ZDHHC20: variants seen among roughly 807,000 people sequenced by gnomAD.
The protein encoded by ZDHHC20 is zDHHC palmitoyltransferase 20, also known as palmitoyltransferase ZDHHC20.
Under a neutral mutation model 57.8 loss-of-function variants are expected in ZDHHC20, and 43 were observed. That is an observed-to-expected ratio of 0.74 (90% confidence interval 0.58 to 0.96). The LOEUF is 0.96. Ranked by LOEUF, ZDHHC20 falls within the 40% of genes least tolerant of loss-of-function variation. ZDHHC20 has a pLI of 0.00. For synonymous variants in ZDHHC20, 157 were observed against 153.0 expected (o/e 1.03, Z -0.19); for missense variants, 391 against 441.1 (o/e 0.89, Z 1.02).
At position 21,400,513 on chromosome 13, in the gene ZDHHC20, C is replaced by A. The variant is rs1345013456; in HGVS notation, c.474-20G>T. The A allele has an allele frequency of 6.5e-7, 1 of 1,528,238 alleles. No individual in the cohort carries two copies. Among genetic ancestry groups the A allele is most frequent in the Non-Finnish European group, 8.8e-7 (1 of 1,139,876 alleles). The allele number at this position is 1,528,238 out of a possible 1,614,324, so 94.7% of individuals were successfully genotyped here. On this transcript the variant is annotated intron_variant, in intron 6 of 12. Coordinates refer to ENST00000400590, the MANE Select transcript of ZDHHC20 (RefSeq NM_001330059.2). Reference sequence around the variant, plus strand: ...TTCACCCTGGAAAAATAAAGAAAGCCACATTATAAAAGTAAGACAAATCAC... The same window carrying A: ...TTCACCCTGGAAAAATAAAGAAAGCAACATTATAAAAGTAAGACAAATCAC...
At position 21,413,765 on chromosome 13, in the gene ZDHHC20, A is replaced by G; in HGVS notation, c.257T>C (p.Leu86Ser). 6.2e-7 allele frequency: 1 copy of G among 1,607,516 alleles called. No homozygotes were observed. Among genetic ancestry groups the G allele is most frequent in the South Asian group, 1.1e-5 (1 of 89,944 alleles). The change falls in exon 4 of 13, where the codon TTG (leucine) becomes TCG (serine). Residue 86 changes from leucine to serine, a missense_variant. Physicochemically the swap from Leu to Ser is moderately radical, Grantham distance 145. Transcript: ENST00000400590. ...ATAACGTTCCTTTTCAGAATTGGAC[A>G]AGTAGAACTATAAAAGGAAAGAGGA... ...SPASPSKEFYLSNSEKERYEK... is the reference protein window; with the variant it reads ...SPASPSKEFYSSNSEKERYEK...
intron 1 of ZDHHC20, among the ~76,000 whole-genome samples, chr13:21,434,161 A>G (rs1028302785): frequency 6.6e-6 from 1 of 152,272 alleles, no homozygotes; most frequent in South Asian, 2.1e-4. Flanking sequence ...TAAATACCTG[A>G]TAAGTTGATA....
chr13:21,395,798 A>G (rs1876690465), intron 7 of ZDHHC20, among the ~76,000 whole-genome samples: 1 of 151,180 alleles, frequency 6.6e-6, no homozygotes, highest in Non-Finnish European at 1.5e-5. Flanking sequence ...CCGCGCCCCA[A>G]CCCTATTTTC....
rs139794893 is a variant in ZDHHC20 at position 21,380,478 on chromosome 13, A to G, written c.1060+956T>C. 2.0e-5 allele frequency among the ~76,000 whole-genome samples: 3 copies of G among 151,880 alleles called. No individual in the cohort carries two copies. In the East Asian group the frequency reaches 5.9e-4, roughly 30 times the overall value. ...GCTTTTCAAGAATTATTTTCAACTA[A>G]GCAAAAGCTGGGACCCTAAAGAATA... On this transcript the variant is annotated intron_variant, in intron 11 of 12. Transcript: ENST00000400590.
intron 1 of ZDHHC20, among the ~76,000 whole-genome samples, chr13:21,454,221 G>C (rs1171609045): frequency 1.3e-5 from 2 of 152,142 alleles, no homozygotes; most frequent in South Asian, 2.1e-4. Context: ...AGCTACTCAA[G>C]AGGCTGAGGC....
At chr13:21,447,993 G>A (rs1464222349) in intron 1 of ZDHHC20, among the ~76,000 whole-genome samples, 1 of 114,722 alleles carries the variant, frequency 8.7e-6, no homozygotes, top group Non-Finnish European at 2.0e-5. Flanking sequence ...GGGAGGTGAG[G>A]AGCGTCTCTG....
At chr13:21,403,459 G>A (rs1484652300) in intron 4 of ZDHHC20, among the ~76,000 whole-genome samples, 1 of 152,098 alleles carries the variant, frequency 6.6e-6, no homozygotes, top group Non-Finnish European at 1.5e-5. Context: ...CACCTGCTAG[G>A]TGCCAGATAT....
chr13:21,422,453 C>T (rs1007298230), intron 2 of ZDHHC20, among the ~76,000 whole-genome samples: 1 of 152,100 alleles, frequency 6.6e-6, no homozygotes, highest in Non-Finnish European at 1.5e-5. Flanking sequence ...TGCAACCCAA[C>T]CTTTTCTTCT....
intron 9 of ZDHHC20, among the ~76,000 whole-genome samples, chr13:21,384,362 C>T (rs1593176228): frequency 6.6e-6 from 1 of 150,624 alleles, no homozygotes; most frequent in Non-Finnish European, 1.5e-5. Context: ...ATCGCTTGAA[C>T]CCGGGAGGCG....
At chr13:21,410,918 C>T (rs1429115257) in intron 4 of ZDHHC20, among the ~76,000 whole-genome samples, 1 of 152,188 alleles carries the variant, frequency 6.6e-6, no homozygotes, top group African/African-American at 2.4e-5. Context: ...CGAAAAAAAA[C>T]TCCTGCAGCT....
chr13:21,437,730 C>T (rs571649400), intron 1 of ZDHHC20, among the ~76,000 whole-genome samples: 6 of 151,562 alleles, frequency 4.0e-5, no homozygotes, highest in South Asian at 2.1e-4. Flanking sequence ...CTCACACTGT[C>T]GCCCAGGCTG....
At chr13:21,433,270 A>G (rs1882187166) in intron 1 of ZDHHC20, among the ~76,000 whole-genome samples, 1 of 151,982 alleles carries the variant, frequency 6.6e-6, no homozygotes, top group Admixed American at 6.6e-5. Context: ...CTTGCATGCC[A>G]TTGTGTCTGG....
chr13:21,417,985 CAA>C (rs1479680037), intron 3 of ZDHHC20, among the ~76,000 whole-genome samples: 1 of 152,072 alleles, frequency 6.6e-6, no homozygotes, highest in Non-Finnish European at 1.5e-5. Flanking sequence ...AGCTCAGTGA[CAA>C]AGAGAATCTT....
chr13:21,454,874 C>A (rs1884773561), intron 1 of ZDHHC20, among the ~76,000 whole-genome samples: 1 of 152,038 alleles, frequency 6.6e-6, no homozygotes, highest in African/African-American at 2.4e-5. Flanking sequence ...AAAAGGTATA[C>A]CTGTCCTTGA....
At chr13:21,421,188 G>C (rs752901643) in intron 2 of ZDHHC20, 24 bp from the exon 3 acceptor site, 5 of 1,590,750 alleles carry the variant, frequency 3.1e-6, no homozygotes, top group Non-Finnish European at 4.3e-6. Flanking sequence ...ACAAATAACA[G>C]TTCATTGAAT....
chr13:21,447,596 C>G (rs1192628717), intron 1 of ZDHHC20, among the ~76,000 whole-genome samples: 1 of 145,324 alleles, frequency 6.9e-6, no homozygotes, highest in South Asian at 2.3e-4. Context: ...CAATGGTGCC[C>G]AGGCTGGAGT....
chr13:21,392,224 A>AC (rs1566071167), intron 7 of ZDHHC20, among the ~76,000 whole-genome samples: 3 of 151,900 alleles, frequency 2.0e-5, no homozygotes, highest in Non-Finnish European at 2.9e-5. Flanking sequence ...AAAAAAAAAA[A>AC]AAAACAATAG....
chr13:21,443,859 T>C (rs1714376062), intron 1 of ZDHHC20, among the ~76,000 whole-genome samples: 1 of 152,170 alleles, frequency 6.6e-6, no homozygotes, highest in Non-Finnish European at 1.5e-5. Flanking sequence ...CATCTTATGA[T>C]TAGTCTGTGT....
At chr13:21,395,562 C>T (rs1359646794) in intron 7 of ZDHHC20, among the ~76,000 whole-genome samples, 61 of 147,062 alleles carry the variant, frequency 4.1e-4, no homozygotes, top group Middle Eastern at 3.7e-3. Flanking sequence ...TGGCGTGATC[C>T]GTGATCTTGG....
Sources: gnomAD v4.1 joint callset for allele counts (sites outside exome capture counted in the v4.1 genomes callset) on GRCh38, gnomAD v4.1.1 for gene constraint, MANE v1.5 for transcripts, NCBI Gene and HGNC (gene_info 2026-07-23, HGNC 2026-07-21) for gene names.